The following RASA3 variants were observed in gnomAD, a reference collection of about 807,000 sequenced individuals.
The protein encoded by RASA3 is RAS p21 protein activator 3.
RASA3 carries 73 observed loss-of-function variants against 110.0 expected under a neutral mutation model. That is an observed-to-expected ratio of 0.66 (90% CI 0.55 to 0.81). RASA3 has a LOEUF of 0.81. Among genes scored for constraint, RASA3 ranks in the 30% least tolerant of loss-of-function variants. The probability of loss-of-function intolerance (pLI) is 0.00; values close to 1 mark genes in which losing one functional copy is unlikely to be tolerated. For missense variants in RASA3, 976 were observed against 1,113.2 expected, an observed-to-expected ratio of 0.88 and a Z score of 1.75; for synonymous variants, 500 against 451.4, an observed-to-expected ratio of 1.11 and a Z score of -1.37.
intron 13 of RASA3, among the ~76,000 whole-genome samples, chr13:114,015,877 G>C (rs2053779072): frequency 6.6e-6 from 1 of 152,128 alleles, no homozygotes; most frequent in Non-Finnish European, 1.5e-5. Flanking sequence ...GTCCAGGGGA[G>C]GCAGAGCAGG....
At chr13:114,130,071 G>A (rs2080497531) in intron 1 of RASA3, among the ~76,000 whole-genome samples, 1 of 152,188 alleles carries the variant, frequency 6.6e-6, no homozygotes, top group African/African-American at 2.4e-5. Context: ...TCTACAGATG[G>A]GCTTTCTGCT....
At chr13:114,019,255 C>T (rs2053863445) in intron 9 of RASA3, among the ~76,000 whole-genome samples, 1 of 152,224 alleles carries the variant, frequency 6.6e-6, no homozygotes, top group African/African-American at 2.4e-5. Context: ...GCAGTGTCAG[C>T]AGCAGGTGGA....
intron 1 of RASA3, among the ~76,000 whole-genome samples, chr13:114,100,787 C>T (rs1402529441): frequency 6.6e-6 from 1 of 152,190 alleles, no homozygotes; most frequent in Admixed American, 6.5e-5. Context: ...CTCCAAGGCC[C>T]CAGGGACACC....
chr13:114,080,176 C>T (rs1289662878), intron 1 of RASA3, among the ~76,000 whole-genome samples: 1 of 152,154 alleles, frequency 6.6e-6, no homozygotes, highest in Admixed American at 6.5e-5. Flanking sequence ...CCAGGGCTCT[C>T]CAGGGCACCA....
intron 7 of RASA3, among the ~76,000 whole-genome samples, chr13:114,026,245 T>C (rs1185435840): frequency 2.6e-5 from 4 of 152,174 alleles, no homozygotes; most frequent in African/African-American, 7.2e-5. Flanking sequence ...GCTCTGTGTG[T>C]GGCAGCCAAG....
rs2080229428 is a variant in RASA3 at position 114,112,213 on chromosome 13, G to A, written c.55+20222C>T. Among the ~76,000 whole-genome samples, 1 of 152,116 alleles carries A rather than the reference G, an allele frequency of 6.6e-6. No individual in the cohort carries two copies. The highest frequency in any genetic ancestry group is 2.4e-5 in the African/African-American group (1 of 41,420). Reference sequence around the variant, plus strand: ...ACCCTCAGCCAGGCTATTGTGAATGGGTGTTACCAAAAAATGGCATTAGCA... The same window carrying A: ...ACCCTCAGCCAGGCTATTGTGAATGAGTGTTACCAAAAAATGGCATTAGCA... On this transcript the variant is annotated intron_variant, in intron 1 of 23. Transcript: ENST00000334062. This position sits in a 1 kb window ranked among gnomAD's most constrained non-coding sequence, Gnocchi z 4.8.
chr13:114,129,039 A>G (rs1271740247), intron 1 of RASA3, among the ~76,000 whole-genome samples: 1 of 152,236 alleles, frequency 6.6e-6, no homozygotes. Flanking sequence ...GTATTGTGGA[A>G]ACGGAAGACA....
intron 1 of RASA3, among the ~76,000 whole-genome samples, chr13:114,080,983 C>T (rs1393668546): frequency 2.0e-5 from 3 of 150,604 alleles, no homozygotes; most frequent in African/African-American, 7.4e-5. Context: ...ACCAAGAGTG[C>T]CCCTCGGCAG....
At chr13:114,125,435 G>A (rs2080432295) in intron 1 of RASA3, among the ~76,000 whole-genome samples, 1 of 152,156 alleles carries the variant, frequency 6.6e-6, no homozygotes, top group Non-Finnish European at 1.5e-5. Context: ...GAGAGCGGGG[G>A]CAAGAGCGCG....
intron 1 of RASA3, chr13:114,077,992 G>GAAAAA: frequency 5.5e-6 from 5 of 903,694 alleles, no homozygotes; most frequent in Non-Finnish European, 6.5e-6. Context: ...CATTGAAACA[G>GAAAAA]AAAAAAAAAA....
At chr13:114,061,711 T>C (rs1416741787) in intron 2 of RASA3, among the ~76,000 whole-genome samples, 3 of 149,046 alleles carry the variant, frequency 2.0e-5, no homozygotes, top group African/African-American at 7.4e-5. Flanking sequence ...AAGAAAGAAA[T>C]ACGAGCTTTG....
At chr13:114,130,326 G>A (rs1333890721) in intron 1 of RASA3, among the ~76,000 whole-genome samples, 1 of 152,218 alleles carries the variant, frequency 6.6e-6, no homozygotes, top group African/African-American at 2.4e-5. Context: ...TCGGGCAGCT[G>A]GCATTTGGGC....
chr13:114,056,794 C>T lies in RASA3; in HGVS notation c.174-4639G>A, dbSNP rs562575204. ...CATAAAATTATCACCACAGACTGGA[C>T]GTGCCCCTTTCTAAATGTAAAAGCG... On this transcript the variant is annotated intron_variant, in intron 2 of 23. Transcript: ENST00000334062. This position sits in a 1 kb window ranked among gnomAD's most constrained non-coding sequence, Gnocchi z 5.7. 3.4e-6 allele frequency: 2 copies of T among 586,892 alleles called. No individual in the cohort carries two copies. Among genetic ancestry groups the T allele is most frequent in the South Asian group, 7.4e-5 (1 of 13,488 alleles). The allele number at this position is 586,892 out of a possible 1,614,324, so 36.4% of individuals were successfully genotyped here. A position where few individuals can be genotyped will look rare whatever the true frequency, so the allele number is the denominator to read the frequency against.
At chr13:114,091,721 C>T (rs1248855022) in intron 1 of RASA3, among the ~76,000 whole-genome samples, 2 of 151,946 alleles carry the variant, frequency 1.3e-5, no homozygotes, top group African/African-American at 4.8e-5. Context: ...ACACTAACCT[C>T]ACTGCTTGAG....
At chr13:114,039,814 G>A (rs776177228) in intron 4 of RASA3, among the ~76,000 whole-genome samples, 4 of 152,234 alleles carry the variant, frequency 2.6e-5, no homozygotes, top group African/African-American at 4.8e-5. Context: ...CCGGTCTTGC[G>A]TGGGGAGGTG....
At chr13:114,131,571 C>G (rs1307986764) in intron 1 of RASA3, among the ~76,000 whole-genome samples, 1 of 152,148 alleles carries the variant, frequency 6.6e-6, no homozygotes, top group East Asian at 1.9e-4. Context: ...CTGCTGAAGC[C>G]CAGAGAAAAA....
In RASA3 at chr13:114,021,502, G is replaced by A. The variant is rs1435126938; in HGVS notation, c.687C>T (p.Asp229=). The change falls in exon 9 of 24, where the codon GAC becomes GAT. Residue 229 remains aspartate (D), a synonymous_variant. Coordinates refer to ENST00000334062, the MANE Select transcript of RASA3 (RefSeq NM_007368.4). ...EDVDKLEIRV[D]LWNASNLKFG... is the part of the protein sequence containing the mutation. Reference sequence around the variant, plus strand: ...ACTTCAGGTTACTGGCATTCCAGAGGTCAACTCTGAAAAACAGCATCAGGA... The same window carrying A: ...ACTTCAGGTTACTGGCATTCCAGAGATCAACTCTGAAAAACAGCATCAGGA... The A allele has an allele frequency of 1.2e-6, 2 of 1,613,556 alleles. No individual in the cohort carries two copies. The highest frequency in any genetic ancestry group is 1.7e-6 in the Non-Finnish European group (2 of 1,179,864).
In RASA3 at chr13:114,101,935, G is replaced by C. The variant is rs909976675; in HGVS notation, c.56-28098C>G. ...CACCCTGGACCATGGCATAAAGACAGACGGGGCCCTCTCATCAGAAAGTGG... is the reference window on the plus strand; with the variant it reads ...CACCCTGGACCATGGCATAAAGACACACGGGGCCCTCTCATCAGAAAGTGG... On this transcript the variant is annotated intron_variant, in intron 1 of 23. Coordinates refer to ENST00000334062, the MANE Select transcript of RASA3 (RefSeq NM_007368.4). 2.6e-5 allele frequency among the ~76,000 whole-genome samples: 4 copies of C among 152,212 alleles called. No homozygotes were observed. The South Asian group carries it at 8.3e-4, about 31-fold the overall frequency.
rs1381692830 is a variant in RASA3, at chr13:114,011,656, C to T, written c.1513-408G>A. 1.3e-5 allele frequency among the ~76,000 whole-genome samples: 2 copies of T among 152,162 alleles called. No individual in the cohort carries two copies. The highest frequency in any genetic ancestry group is 6.5e-5 in the Admixed American group (1 of 15,278). On this transcript the variant is annotated intron_variant, in intron 15 of 23. Coordinates refer to ENST00000334062, the MANE Select transcript of RASA3 (RefSeq NM_007368.4). This position sits in a 1 kb window ranked among gnomAD's most constrained non-coding sequence, Gnocchi z 4.8. ...AAGTGCTGGGGGCCGGGCTTGGTGG[C>T]TCACGCCTGTAATCCCAGCACTTCG...
Sources: allele counts gnomAD v4.1 joint callset (sites outside exome capture counted in the v4.1 genomes callset), GRCh38; gene constraint gnomAD v4.1.1; non-coding constraint Gnocchi (gnomAD v3.1); transcripts MANE v1.5; gene names NCBI Gene and HGNC (gene_info 2026-07-23, HGNC 2026-07-21).